MIPOL1: variants seen among roughly 807,000 people sequenced by gnomAD.
MIPOL1 encodes mirror-image polydactyly 1.
A neutral mutation model predicts 60.9 loss-of-function variants in MIPOL1; 57 were observed. The ratio of observed to expected loss-of-function variants is 0.94; its 90% CI spans 0.76 to 1.17. The LOEUF is 1.17. MIPOL1 is among the 50% of genes most tolerant of loss of function. The pLI, the probability that MIPOL1 is intolerant of heterozygous loss-of-function variation, is 0.00. For synonymous variants in MIPOL1, 179 were observed against 168.8 expected, an observed-to-expected ratio of 1.06 and a Z score of -0.47; for missense variants, 551 against 511.6, an observed-to-expected ratio of 1.08 and a Z score of -0.74.
intron 11 of MIPOL1, among the ~76,000 whole-genome samples, chr14:37,480,137 C>T (rs1266457050): frequency 6.6e-6 from 1 of 152,064 alleles, no homozygotes; most frequent in Non-Finnish European, 1.5e-5. Flanking sequence ...TTCTCTAATC[C>T]TTCTACTAAT....
intron 11 of MIPOL1, among the ~76,000 whole-genome samples, chr14:37,492,053 C>T (rs1223679567): frequency 6.6e-6 from 1 of 152,142 alleles, no homozygotes; most frequent in Non-Finnish European, 1.5e-5. Context: ...CACTGTGTTG[C>T]TCAGGCTGGT....
At chr14:37,523,368 G>A (rs78081442) in intron 12 of MIPOL1, 184 of 337,530 alleles carry the variant, frequency 5.5e-4, no homozygotes, top group Non-Finnish European at 7.8e-4. Context: ...ATTAGTTATC[G>A]TAAAGTGAAA....
chr14:37,311,001 G>A (rs2087268441), intron 9 of MIPOL1, among the ~76,000 whole-genome samples: 1 of 152,232 alleles, frequency 6.6e-6, no homozygotes, highest in South Asian at 2.1e-4. Context: ...AAGCTTGGGT[G>A]GTTTCTCTGT....
intron 9 of MIPOL1, 81 bp downstream of exon 9, chr14:37,308,600 C>T (rs2153434239): frequency 9.6e-7 from 1 of 1,039,320 alleles, no homozygotes; most frequent in East Asian, 2.8e-5. Flanking sequence ...TGACTTTGGC[C>T]CAGATATTCT....
chr14:37,391,678 G>A (rs2153520537), intron 10 of MIPOL1, among the ~76,000 whole-genome samples: 1 of 152,236 alleles, frequency 6.6e-6, no homozygotes. Context: ...ACAGGCATGA[G>A]CCACCGTGCC....
intron 12 of MIPOL1, among the ~76,000 whole-genome samples, chr14:37,515,724 G>A (rs940175884): frequency 6.6e-6 from 1 of 151,790 alleles, no homozygotes; most frequent in Non-Finnish European, 1.5e-5. Context: ...ACTCTCAGAG[G>A]GCCTAAATCT....
intron 12 of MIPOL1, chr14:37,507,415 T>A (rs1244322730): frequency 6.6e-6 from 1 of 152,094 alleles, no homozygotes; most frequent in African/African-American, 2.4e-5. Context: ...CATGGAATAC[T>A]ATGCAGCCAT....
rs202209750 is a variant in MIPOL1, at chr14:37,509,797, ATC to A, written c.1262+9661_1262+9662del. The stretch of plus-strand genomic sequence containing the variant: ...TGTGTATATACATGTATGTATATCT[ATC>A]TACTTATGTATAAGCTATATATGTA... On this transcript the variant is annotated intron_variant, in intron 12 of 12. Coordinates refer to ENST00000684589, the MANE Select transcript of MIPOL1 (RefSeq NM_001388067.1). 8.5e-3 allele frequency among the ~76,000 whole-genome samples: 1,283 copies of A among 150,936 alleles called. 20 individuals carry two copies. Among genetic ancestry groups the A allele is most frequent in the African/African-American group, 0.029 (1,172 of 40,800 alleles).
rs112088380 is a variant in MIPOL1, at chr14:37,360,062, C to T, written c.829-9455C>T. ...TGAATTTTGTCGAAGGCCTTTTCTG[C>T]ATCTAATGAGACAATCATGTGGTTT... On this transcript the variant is annotated intron_variant, in intron 9 of 12. Transcript: ENST00000684589. Among the ~76,000 whole-genome samples the T allele has an allele frequency of 2.4e-3, 364 of 152,264 alleles. 3 individuals carry two copies. The highest frequency in any genetic ancestry group is 8.1e-3 in the African/African-American group (338 of 41,552).
chr14:37,227,967 A>C (rs1970008750), intron 1 of MIPOL1: 1 of 152,226 alleles, frequency 6.6e-6, no homozygotes, highest in African/African-American at 2.4e-5. Context: ...CTATGGTTAT[A>C]ATCCAACTAG....
At chr14:37,361,068 CATT>C (rs1442743789) in intron 9 of MIPOL1, among the ~76,000 whole-genome samples, 4 of 152,136 alleles carry the variant, frequency 2.6e-5, no homozygotes, top group African/African-American at 4.8e-5. Context: ...GCCTTCATTT[CATT>C]ATTTACCTAG....
intron 12 of MIPOL1, among the ~76,000 whole-genome samples, chr14:37,535,563 C>A (rs1310373066): frequency 6.6e-6 from 1 of 152,134 alleles, no homozygotes; most frequent in East Asian, 1.9e-4. Context: ...TAAAACCTTT[C>A]AGCCACTTGA....
At chr14:37,540,031 A>G (rs1187135026) in intron 12 of MIPOL1, among the ~76,000 whole-genome samples, 2 of 152,158 alleles carry the variant, frequency 1.3e-5, no homozygotes, top group African/African-American at 2.4e-5. Flanking sequence ...GAAGAAGGAC[A>G]TATTTGCTTC....
At chr14:37,226,444 CAA>C (rs1297517272) in intron 1 of MIPOL1, among the ~76,000 whole-genome samples, 7 of 152,192 alleles carry the variant, frequency 4.6e-5, no homozygotes, top group Non-Finnish European at 7.3e-5. Context: ...AGGCAGCAGA[CAA>C]GAGAAGACAG....
At chr14:37,398,208 T>A (rs2006062) in intron 10 of MIPOL1, among the ~76,000 whole-genome samples, 1 of 151,446 alleles carries the variant, frequency 6.6e-6, no homozygotes, top group South Asian at 2.1e-4. Flanking sequence ...TCCAGGTAAT[T>A]TCGGAAACTT....
At chr14:37,319,134 C>T (rs2088274845) in intron 9 of MIPOL1, among the ~76,000 whole-genome samples, 1 of 152,088 alleles carries the variant, frequency 6.6e-6, no homozygotes, top group Non-Finnish European at 1.5e-5. Context: ...AGTCACTGCA[C>T]CTGGTCTCAT....
chr14:37,229,731 A>G (rs1970321159), intron 1 of MIPOL1, among the ~76,000 whole-genome samples: 1 of 152,226 alleles, frequency 6.6e-6, no homozygotes, highest in Non-Finnish European at 1.5e-5. Context: ...AATTAAATTT[A>G]CATACTTTTT....
chr14:37,271,634 T>G (rs2083310219), intron 6 of MIPOL1, among the ~76,000 whole-genome samples: 1 of 151,884 alleles, frequency 6.6e-6, no homozygotes, highest in Non-Finnish European at 1.5e-5. Context: ...GAAAGTAACA[T>G]ATTTTAAGGA....
chr14:37,447,144 A>G (rs935907245), intron 11 of MIPOL1, among the ~76,000 whole-genome samples: 10 of 152,062 alleles, frequency 6.6e-5, no homozygotes, highest in Admixed American at 1.3e-4. Context: ...ATCTTCAACA[A>G]TGAAGACATG....
Sources: allele counts gnomAD v4.1 joint callset (sites outside exome capture counted in the v4.1 genomes callset), GRCh38; gene constraint gnomAD v4.1.1; transcripts MANE v1.5; gene names NCBI Gene and HGNC (gene_info 2026-07-23, HGNC 2026-07-21).